Variants in KDM4C observed in about 807,000 individuals in gnomAD.
KDM4C encodes lysine demethylase 4C, also known as lysine-specific demethylase 4C.
KDM4C carries 81 observed loss-of-function variants against 129.3 expected under a neutral mutation model. That is an observed-to-expected ratio of 0.63 (90% confidence interval 0.52 to 0.75). The LOEUF (loss-of-function observed/expected upper bound fraction) is 0.75. Among genes scored for constraint, KDM4C ranks in the 30% least tolerant of loss-of-function variants. The pLI, the probability that KDM4C is intolerant of heterozygous loss-of-function variation, is 0.00. For missense variants in KDM4C, 1,457 were observed against 1,304.0 expected (o/e 1.12, Z -1.81); for synonymous variants, 573 against 456.1 (o/e 1.26, Z -3.26).
At chr9:7,105,806 A>C (rs1039342707) in intron 18 of KDM4C, among the ~76,000 whole-genome samples, 9 of 152,010 alleles carry the variant, frequency 5.9e-5, no homozygotes, top group Non-Finnish European at 7.4e-5. Context: ...ATTCCTCTTA[A>C]CTCTCATGTG....
intron 1 of KDM4C, among the ~76,000 whole-genome samples, chr9:6,779,252 G>A (rs769499984): frequency 6.6e-6 from 1 of 151,842 alleles, no homozygotes. Flanking sequence ...TCTTGACCTC[G>A]TGATCTGCCC....
chr9:7,094,133 C>G (rs1163695071), intron 17 of KDM4C, among the ~76,000 whole-genome samples: 3 of 152,188 alleles, frequency 2.0e-5, no homozygotes. Flanking sequence ...ACCCATTGTT[C>G]TAATCACAAA....
intron 21 of KDM4C, among the ~76,000 whole-genome samples, chr9:7,171,968 C>T (rs143271398): frequency 2.0e-5 from 3 of 152,292 alleles, no homozygotes; most frequent in African/African-American, 7.2e-5. Context: ...GTCCTGTTGG[C>T]CACCTTTATT....
intron 6 of KDM4C, 106 bp from the exon 7 acceptor site, chr9:6,887,854 T>TG: frequency 1.4e-6 from 1 of 720,548 alleles, no homozygotes; most frequent in Admixed American, 2.0e-5. Context: ...GGTCCATACT[T>TG]GCATAAGTCA....
chr9:7,091,992 A>G (rs899828064), intron 17 of KDM4C, among the ~76,000 whole-genome samples: 5 of 152,172 alleles, frequency 3.3e-5, no homozygotes, highest in Non-Finnish European at 7.3e-5. Flanking sequence ...TCTTTTTCAT[A>G]TATACCCCTG....
intron 4 of KDM4C, among the ~76,000 whole-genome samples, chr9:6,815,301 C>T (rs1038574841): frequency 6.6e-6 from 1 of 151,964 alleles, no homozygotes. Context: ...TATTTTAAAA[C>T]CCTAATTCTA....
chr9:6,873,951 A>AG (rs1843184140), intron 5 of KDM4C, among the ~76,000 whole-genome samples: 1 of 148,764 alleles, frequency 6.7e-6, no homozygotes, highest in Non-Finnish European at 1.5e-5. Flanking sequence ...CGAGAGAGAG[A>AG]GAGAGAGAGA....
At chr9:7,024,632 C>G (rs1373506488) in intron 15 of KDM4C, among the ~76,000 whole-genome samples, 3 of 152,056 alleles carry the variant, frequency 2.0e-5, no homozygotes, top group African/African-American at 4.8e-5. Flanking sequence ...TGGTTTCCAG[C>G]TTCATCCATG....
At chr9:6,736,158 T>C (rs1026599075) in intron 1 of KDM4C, among the ~76,000 whole-genome samples, 1 of 152,094 alleles carries the variant, frequency 6.6e-6, no homozygotes, top group Non-Finnish European at 1.5e-5. Flanking sequence ...GCGTGGTGAC[T>C]TGGGTGCTGT....
At chr9:6,886,578 A>G (rs1272604763) in intron 6 of KDM4C, among the ~76,000 whole-genome samples, 6 of 143,016 alleles carry the variant, frequency 4.2e-5, no homozygotes, top group Non-Finnish European at 6.0e-5. Context: ...TGCAACCTCT[A>G]CCTCCCGGGT....
intron 19 of KDM4C, among the ~76,000 whole-genome samples, chr9:7,148,817 G>C (rs1842458006): frequency 6.6e-6 from 1 of 152,194 alleles, no homozygotes; most frequent in Admixed American, 6.5e-5. Context: ...AGCTGAGTCT[G>C]GGGTTTTTAT....
chr9:6,765,833 G>A (rs1014529684), intron 1 of KDM4C, among the ~76,000 whole-genome samples: 1 of 152,124 alleles, frequency 6.6e-6, no homozygotes, highest in African/African-American at 2.4e-5. Flanking sequence ...CTGTCACCCA[G>A]GCTGGAGTGC....
chr9:6,964,252 C>CCA (rs1830519839), intron 8 of KDM4C, among the ~76,000 whole-genome samples: 1 of 146,120 alleles, frequency 6.8e-6, no homozygotes, highest in Non-Finnish European at 1.5e-5. Context: ...CCCTGACCCC[C>CCA]CAACAGGCCC....
chr9:6,821,939 CCT>C lies in KDM4C; in HGVS notation c.435+7197_435+7198del, dbSNP rs1413558363. Among the ~76,000 whole-genome samples, 8 of 152,210 alleles carry C rather than the reference CCT, an allele frequency of 5.3e-5. 1 individual carries two copies. In the South Asian group the frequency reaches 1.0e-3, roughly 20 times the overall value. ...CGTGAGCTGCTGTGCCCGGCTGGCC[CCT>C]CTTTTATTCTGCTGCTGCTTTCAGA... On this transcript the variant is annotated intron_variant, in intron 4 of 21. Coordinates refer to ENST00000381309, the MANE Select transcript of KDM4C (RefSeq NM_015061.6).
intron 15 of KDM4C, 132 bp downstream of exon 15, chr9:7,016,061 G>T: frequency 2.0e-6 from 1 of 509,208 alleles, no homozygotes; most frequent in Non-Finnish European, 3.6e-6. Flanking sequence ...TGTGTTTCTA[G>T]TCTTCCCTCT....
chr9:6,830,679 A>C (rs930311696), intron 4 of KDM4C, among the ~76,000 whole-genome samples: 1 of 152,332 alleles, frequency 6.6e-6, no homozygotes, highest in Non-Finnish European at 1.5e-5. Flanking sequence ...TGAAGGAATA[A>C]TGTGCCTATG....
intron 21 of KDM4C, chr9:7,170,526 A>T: frequency 1.0e-6 from 1 of 967,942 alleles, no homozygotes; most frequent in Non-Finnish European, 1.2e-6. Context: ...TCAAAACTGC[A>T]GTCATTGAAA....
At chr9:7,132,495 A>G (rs1424756950) in intron 19 of KDM4C, among the ~76,000 whole-genome samples, 2 of 152,308 alleles carry the variant, frequency 1.3e-5, no homozygotes, top group South Asian at 2.1e-4. Context: ...TTTCTCAACA[A>G]TGCACCTGCA....
At chr9:7,117,021 T>A (rs998135064) in intron 18 of KDM4C, among the ~76,000 whole-genome samples, 1 of 152,224 alleles carries the variant, frequency 6.6e-6, no homozygotes, top group East Asian at 1.9e-4. Context: ...TTGATGTTCA[T>A]AGTAAACTTG....
Sources: allele counts gnomAD v4.1 joint callset (sites outside exome capture counted in the v4.1 genomes callset), GRCh38; gene constraint gnomAD v4.1.1; transcripts MANE v1.5; gene names NCBI Gene and HGNC (gene_info 2026-07-23, HGNC 2026-07-21).